THSD7B: variants seen among roughly 807,000 people sequenced by gnomAD.
The protein encoded by THSD7B is thrombospondin type-1 domain-containing protein 7B.
A neutral mutation model predicts 213.6 loss-of-function variants in THSD7B; 138 were observed. The observed-to-expected ratio is 0.65, with a 90% confidence interval of 0.56 to 0.74. The LOEUF is 0.74. Among genes scored for constraint, THSD7B ranks in the 30% least tolerant of loss-of-function variants. The pLI is 0.00. For missense variants in THSD7B, 1,931 were observed against 1,991.5 expected (o/e 0.97, Z 0.58); for synonymous variants, 742 against 687.0 (o/e 1.08, Z -1.25).
intron 21 of THSD7B, among the ~76,000 whole-genome samples, chr2:137,644,903 A>G (rs1337847880): frequency 6.6e-6 from 1 of 152,180 alleles, no homozygotes; most frequent in Non-Finnish European, 1.5e-5. Context: ...TCTTATGTGA[A>G]AAAGGAAGTA....
chr2:137,180,933 A>T (rs1680441397), intron 7 of THSD7B, among the ~76,000 whole-genome samples: 1 of 152,102 alleles, frequency 6.6e-6, no homozygotes, highest in Non-Finnish European at 1.5e-5. Context: ...GACTCATGAA[A>T]CCTATTCCTA....
intron 1 of THSD7B, among the ~76,000 whole-genome samples, chr2:136,828,651 TC>T (rs1682699822): frequency 6.6e-6 from 1 of 152,216 alleles, no homozygotes; most frequent in African/African-American, 2.4e-5. Flanking sequence ...CACATGTTCT[TC>T]TTTCAGTTCC....
chr2:136,848,252 G>A (rs2104961255), intron 1 of THSD7B, among the ~76,000 whole-genome samples: 1 of 152,230 alleles, frequency 6.6e-6, no homozygotes, highest in East Asian at 1.9e-4. Flanking sequence ...TTTACTATTA[G>A]GCGGCCCAGT....
intron 17 of THSD7B, among the ~76,000 whole-genome samples, chr2:137,584,400 T>C (rs557986072): frequency 1.3e-5 from 2 of 152,192 alleles, no homozygotes; most frequent in African/African-American, 4.8e-5. Context: ...GAGAGGACAT[T>C]CCTGTCTTGT....
intron 10 of THSD7B, among the ~76,000 whole-genome samples, chr2:137,255,522 C>T (rs538073411): frequency 1.2e-4 from 19 of 152,088 alleles, no homozygotes; most frequent in Non-Finnish European, 2.6e-4. Context: ...AAGAGGACTC[C>T]ACCCTTGCTG....
At chr2:137,317,280 T>C (rs889881260) in intron 12 of THSD7B, among the ~76,000 whole-genome samples, 2 of 152,240 alleles carry the variant, frequency 1.3e-5, no homozygotes, top group East Asian at 3.8e-4. Flanking sequence ...CATCAAGTAT[T>C]ATTTATTAAT....
chr2:136,969,236 T>G (rs1182214309), intron 2 of THSD7B, among the ~76,000 whole-genome samples: 3 of 152,174 alleles, frequency 2.0e-5, no homozygotes, highest in African/African-American at 7.2e-5. Context: ...TCTTATGAAA[T>G]CTAGCTTATC....
Position 137,405,739 on chromosome 2 carries a change from C to T in THSD7B, c.2627C>T (p.Ala876Val). The change falls in exon 13 of 28, where the codon GCT (alanine) becomes GTT (valine). Residue 876 changes from alanine to valine, a missense_variant. Transcript: ENST00000409968. ...TGTCGAGAAGACTGCACCTTCACTG[C>T]TTGGTCCAAGTTTACGCCCTGCTCC... is the stretch of plus-strand genomic sequence containing the variant. ...VPCREDCTFT[A>V]WSKFTPCSTN... 6.2e-7 allele frequency: 1 copy of T among 1,613,744 alleles called. No individual in the cohort carries two copies.
At chr2:137,154,024 A>G (rs1679864403) in intron 5 of THSD7B, among the ~76,000 whole-genome samples, 1 of 152,102 alleles carries the variant, frequency 6.6e-6, no homozygotes, top group Non-Finnish European at 1.5e-5. Context: ...AAATGACTGT[A>G]ACTTCTTTAT....
chr2:137,407,506 T>C (rs1052915677), intron 13 of THSD7B, among the ~76,000 whole-genome samples: 2 of 152,130 alleles, frequency 1.3e-5, no homozygotes, highest in Admixed American at 1.3e-4. Context: ...CACTAATGAA[T>C]TGAAATATTT....
At chr2:136,986,414 G>A (rs890847137) in intron 2 of THSD7B, among the ~76,000 whole-genome samples, 2 of 152,106 alleles carry the variant, frequency 1.3e-5, no homozygotes, top group African/African-American at 2.4e-5. Context: ...TTCTGCTCTC[G>A]CCATATGACC....
intron 13 of THSD7B, among the ~76,000 whole-genome samples, chr2:137,409,834 A>G (rs894550764): frequency 1.3e-5 from 2 of 152,228 alleles, no homozygotes; most frequent in African/African-American, 4.8e-5. Flanking sequence ...TGTAGTCAAT[A>G]CTCTGAACTA....
rs551901115 is a variant in THSD7B at position 137,369,167 on chromosome 2, A to ATT, written c.2501-36442_2501-36441dup. ...GGGGGGACCATATATATATATATAT[A>ATT]TTTTTGACAACTTTAGACACTATTT... On this transcript the variant is annotated intron_variant, in intron 12 of 27. Coordinates refer to ENST00000409968, the MANE Select transcript of THSD7B (RefSeq NM_001316349.2). Among the ~76,000 whole-genome samples, 1,250 of 149,926 alleles carry ATT rather than the reference A, an allele frequency of 8.3e-3. 17 individuals are homozygous for ATT. Among genetic ancestry groups the ATT allele is most frequent in the African/African-American group, 0.03 (1,197 of 40,004 alleles).
In THSD7B at chr2:137,148,804, G is replaced by A. The variant is rs185640217; in HGVS notation, c.1370-11409G>A. The stretch of plus-strand genomic sequence containing the variant: ...TTTGCAGCAAAGTGCTCAAGAGAAA[G>A]CAGAGCATAAAAGTTTGGAAAACTT... On this transcript the variant is annotated intron_variant, in intron 5 of 27. Coordinates refer to ENST00000409968, the MANE Select transcript of THSD7B (RefSeq NM_001316349.2). 2.1e-3 allele frequency among the ~76,000 whole-genome samples: 317 copies of A among 152,268 alleles called. 1 individual carries two copies. Among genetic ancestry groups the A allele is most frequent in the Admixed American group, 4.6e-3 (70 of 15,276 alleles).
chr2:137,290,246 T>A (rs1573937655), intron 12 of THSD7B, among the ~76,000 whole-genome samples: 1 of 151,808 alleles, frequency 6.6e-6, no homozygotes, highest in East Asian at 2.0e-4. Context: ...TGTGCCACCA[T>A]GCCCGGCTAA....
chr2:136,969,602 C>A (rs571376992), intron 2 of THSD7B, among the ~76,000 whole-genome samples: 19 of 151,940 alleles, frequency 1.3e-4, no homozygotes, highest in African/African-American at 4.1e-4. Flanking sequence ...GGTTTTTTTG[C>A]AAAAATATTT....
intron 4 of THSD7B, among the ~76,000 whole-genome samples, chr2:137,106,104 A>G (rs1377436000): frequency 1.3e-5 from 2 of 152,196 alleles, no homozygotes; most frequent in African/African-American, 2.4e-5. Context: ...CCCAAGCAAA[A>G]GGAACAAAGC....
intron 14 of THSD7B, among the ~76,000 whole-genome samples, chr2:137,416,339 C>T (rs1033100362): frequency 2.6e-5 from 4 of 152,196 alleles, no homozygotes; most frequent in South Asian, 2.1e-4. Flanking sequence ...TGAGGATGTA[C>T]TTCACCTGGC....
At chr2:137,074,431 T>G (rs1687571772) in intron 3 of THSD7B, among the ~76,000 whole-genome samples, 1 of 152,174 alleles carries the variant, frequency 6.6e-6, no homozygotes, top group South Asian at 2.1e-4. Context: ...TGTTTTCCAT[T>G]TGCTTGGTAG....
Sources: gnomAD v4.1 joint callset for allele counts (sites outside exome capture counted in the v4.1 genomes callset) on GRCh38, gnomAD v4.1.1 for gene constraint, MANE v1.5 for transcripts, NCBI Gene and HGNC (gene_info 2026-07-23, HGNC 2026-07-21) for gene names.